The following THBS3 variants were observed in gnomAD, a reference collection of about 807,000 sequenced individuals.
THBS3 encodes thrombospondin 3.
THBS3 carries 78 observed loss-of-function variants against 118.3 expected under a neutral mutation model. That is an observed-to-expected ratio of 0.66 (90% CI 0.55 to 0.80). The LOEUF is 0.80. Ranked by LOEUF, THBS3 falls within the 30% of genes least tolerant of loss-of-function variation. THBS3 has a pLI of 0.00. For synonymous variants in THBS3, 427 were observed against 475.3 expected, an observed-to-expected ratio of 0.90 and a Z score of 1.32; for missense variants, 1,057 against 1,247.4, an observed-to-expected ratio of 0.85 and a Z score of 2.30.
At chr1:155,205,004 T>TC (rs772757272) in intron 3 of THBS3, 47 bp from the exon 4 acceptor site, 1 of 1,613,142 alleles carries the variant, frequency 6.2e-7, no homozygotes, top group African/African-American at 1.3e-5. Flanking sequence ...ACCAACCCCT[T>TC]CCCCAGCTGG....
At chr1:155,207,754 G>C in intron 1 of THBS3, 44 bp downstream of exon 1, 2 of 1,600,078 alleles carry the variant, frequency 1.2e-6, no homozygotes, top group Non-Finnish European at 1.7e-6. Flanking sequence ...AGGGCAAATG[G>C]GGAAGAAGCA....
At position 155,205,205 on chromosome 1, in the gene THBS3, G is replaced by A; in HGVS notation, c.398C>T (p.Ser133Phe). 1.2e-6 allele frequency: 2 copies of A among 1,614,200 alleles called. No homozygotes were observed. Among genetic ancestry groups the A allele is most frequent in the Non-Finnish European group, 1.7e-6 (2 of 1,180,036 alleles). The change falls in exon 3 of 23, where the codon TCC (serine) becomes TTC (phenylalanine). Residue 133 changes from serine to phenylalanine, a missense_variant. By Grantham distance (155) the Ser-to-Phe change is radical. Around this residue, in one of 3 missense-constraint regions of THBS3, gnomAD observed 206 missense variants for 205.7 expected, o/e 1.00. Coordinates refer to ENST00000368378, the MANE Select transcript of THBS3 (RefSeq NM_007112.5). The part of the protein sequence containing the change: ...HTVLLRLRGP[S>F]RPSPALHLYV... ...GAGATGTAGGGCAGGGCTGGGTCTG[G>A]AGGGACCTCGGAGTCGCAGGAGAAC...
At chr1:155,207,964 G>A, upstream of THBS3, 1 of 977,318 alleles carries the variant, frequency 1.0e-6, no homozygotes, top group Non-Finnish European at 1.4e-6. Context: ...GGGGGCGGAG[G>A]GACAGAATTG....
Position 155,202,554 on chromosome 1 carries a change from G to A in THBS3, c.958-153C>T, listed in dbSNP as rs988695012. On this transcript the variant is annotated intron_variant, in intron 8 of 22. Transcript: ENST00000368378. The surrounding 1 kb of genome is among the most constrained non-coding windows in gnomAD (Gnocchi z 5.5). ...TCCTGGTCCCCACCCCACTTCCCTC[G>A]GGGTTCCCTCTCTCCCTCCCCATGC... 39 of 1,218,456 alleles carry A rather than the reference G, an allele frequency of 3.2e-5. No individual in the cohort carries two copies. The East Asian group carries it at 4.6e-4, about 14-fold the overall frequency. 75.5% of individuals were successfully genotyped at this position (1,218,456 alleles called of 1,614,324 possible). A position where few individuals can be genotyped will look rare whatever the true frequency, so the allele number is the denominator to read the frequency against.
chr1:155,198,918 G>A (rs967467367), intron 16 of THBS3, among the ~76,000 whole-genome samples: 4 of 152,144 alleles, frequency 2.6e-5, no homozygotes, highest in African/African-American at 7.2e-5. Context: ...TCAGGAGTTC[G>A]AGACCAGCCT....
At chr1:155,204,017 T>C (rs1055143214) in intron 4 of THBS3, among the ~76,000 whole-genome samples, 1 of 152,024 alleles carries the variant, frequency 6.6e-6, no homozygotes, top group African/African-American at 2.4e-5. Flanking sequence ...TTTTGTATTT[T>C]TTAGTAGAGA....
intron 4 of THBS3, 42 bp downstream of exon 4, chr1:155,204,813 A>G (rs1275400507): frequency 6.3e-7 from 1 of 1,575,562 alleles, no homozygotes. Flanking sequence ...CAAAGGCCAC[A>G]GGATCCGTGG....
At position 155,202,660 on chromosome 1, in the gene THBS3, C is replaced by CTG; in HGVS notation, c.957+150_957+151dup. 8.2e-7 allele frequency: 1 copy of CTG among 1,217,312 alleles called. No individual in the cohort carries two copies. Among genetic ancestry groups the CTG allele is most frequent in the South Asian group, 1.5e-5 (1 of 65,848 alleles). The allele number at this position is 1,217,312 out of a possible 1,614,324, so 75.4% of individuals were successfully genotyped here. On this transcript the variant is annotated intron_variant, in intron 8 of 22. Transcript: ENST00000368378. This position sits in a 1 kb window ranked among gnomAD's most constrained non-coding sequence, Gnocchi z 5.5. ...GCCTTCAGTCTTTGCCCCAGGCCTT[C>CTG]TGTCTCTCCCATCTTGCATTTCTCT...
Position 155,197,936 on chromosome 1 carries a change from T to C in THBS3, c.2254-8A>G. On this transcript the variant is annotated splice_polypyrimidine_tract_variant and splice_region_variant and intron_variant, in intron 18 of 22. Coordinates refer to ENST00000368378, the MANE Select transcript of THBS3 (RefSeq NM_007112.5). This position sits in a 1 kb window ranked among gnomAD's most constrained non-coding sequence, Gnocchi z 5.0. ...CTGAACGATTTCCATGCCCTGGGGT[T>C]GTATAGTAAAGAAAAAGCTGTGATG... 6.2e-7 allele frequency: 1 copy of C among 1,614,076 alleles called. No homozygotes were observed. Among genetic ancestry groups the C allele is most frequent in the Non-Finnish European group, 8.5e-7 (1 of 1,180,018 alleles).
rs759670617 is a variant in THBS3 at position 155,206,379 on chromosome 1, G to A, written c.107C>T (p.Ser36Phe). 9.4e-5 allele frequency: 152 copies of A among 1,614,008 alleles called. No homozygotes were observed. The highest frequency in any genetic ancestry group is 1.3e-4 in the Non-Finnish European group (151 of 1,180,028). The stretch of plus-strand genomic sequence containing the variant: ...CTCTGCCACAGCTACCATCTGCCGA[G>A]ACTCGCCCACAGTCAGCAGGTCAAT... ...QVIDLLTVGE[S>F]RQMVAVAEKI... Residue 36 changes from serine (S) to phenylalanine (F), a missense_variant, in exon 2 of 23, where the codon TCT becomes TTT. This residue lies in a region of THBS3 where 206 missense variants were observed against 205.7 expected (regional missense o/e 1.00). Transcript: ENST00000368378. This position sits in a 1 kb window ranked among gnomAD's most constrained non-coding sequence, Gnocchi z 4.2.
At position 155,200,046 on chromosome 1, in the gene THBS3, G is replaced by A. The variant is rs146879343; in HGVS notation, c.1776C>T (p.Asp592=). The A allele has an allele frequency of 2.7e-4, 440 of 1,603,602 alleles. 1 individual carries two copies. The highest frequency in any genetic ancestry group is 8.3e-4 in the Middle Eastern group (5 of 6,004). Reference sequence around the variant, plus strand: ...AGCTGTCGCAAGCATCTCCCACCCCGTCCTCATCCCTGTCTGTCTGTAGTG... The same window carrying A: ...AGCTGTCGCAAGCATCTCCCACCCCATCCTCATCCCTGTCTGTCTGTAGTG... ...PNPLQTDRDE[D]GVGDACDSCP... is the part of the protein sequence containing the mutation. Residue 592 remains aspartate, a synonymous_variant, in exon 15 of 23, where the codon GAC becomes GAT. Transcript: ENST00000368378.
rs916948606 is a variant in THBS3, at chr1:155,195,591, G to C, written c.*250C>G. ...TAAAATAAGCAGTTGCACTGGCTTAGAAAACAACCAAAACTTTATGGCAAT... is the reference window on the plus strand; with the variant it reads ...TAAAATAAGCAGTTGCACTGGCTTACAAAACAACCAAAACTTTATGGCAAT... On this transcript the variant is annotated 3_prime_UTR_variant, in exon 23 of 23. Transcript: ENST00000368378. The C allele has an allele frequency of 6.6e-6, 3 of 454,986 alleles. No homozygotes were observed. The highest frequency in any genetic ancestry group is 5.9e-5 in the African/African-American group (3 of 50,944). 28.2% of individuals were successfully genotyped at this position (454,986 alleles called of 1,614,324 possible). A position where few individuals can be genotyped will look rare whatever the true frequency, so the allele number is the denominator to read the frequency against.
chr1:155,206,089 C>G lies in THBS3; in HGVS notation c.286+111G>C. The G allele has an allele frequency of 7.6e-7, 1 of 1,311,356 alleles. No homozygotes were observed. The highest frequency in any genetic ancestry group is 1.1e-6 in the Non-Finnish European group (1 of 939,418). 81.2% of individuals were successfully genotyped at this position (1,311,356 alleles called of 1,614,324 possible). On this transcript the variant is annotated intron_variant, in intron 2 of 22. Transcript: ENST00000368378. This position sits in a 1 kb window ranked among gnomAD's most constrained non-coding sequence, Gnocchi z 4.2. ...GATGTCTGGGCACAGCCTGATGGGA[C>G]CTTGGTCCCTAGTGGAGGCCAAGGA... is the stretch of plus-strand genomic sequence containing the variant.
chr1:155,205,540 G>A (rs767394210), intron 2 of THBS3: 4 of 567,366 alleles, frequency 7.1e-6, no homozygotes, highest in African/African-American at 1.9e-5. Context: ...CACTTTAGAA[G>A]GCCAAGGTGG....
Position 155,202,474 on chromosome 1 carries a change from A to G in THBS3, c.958-73T>C. On this transcript the variant is annotated intron_variant, in intron 8 of 22. Transcript: ENST00000368378. This position sits in a 1 kb window ranked among gnomAD's most constrained non-coding sequence, Gnocchi z 5.5. ...TCAGGTCCCTGCCTGTGATCCAGGA[A>G]CCATTGCTCCAGGTCTCCCCTTTGT... 6.4e-7 allele frequency: 1 copy of G among 1,573,388 alleles called. No homozygotes were observed. Among genetic ancestry groups the G allele is most frequent in the Non-Finnish European group, 8.6e-7 (1 of 1,159,822 alleles).
rs746921867 is a variant in THBS3, at chr1:155,201,167, CCA to C, written c.1365_1366del (p.Cys455TrpfsTer3). On this transcript the variant is annotated frameshift_variant, in exon 12 of 23. Transcript: ENST00000368378. LOFTEE classifies it high-confidence loss of function. Reference sequence around the variant, plus strand: ...GTAGCCATCGATGTCTGTGTCAGTCCCACACACGTTCCCATTCCCAGCCCAGC... The same window carrying C: ...GTAGCCATCGATGTCTGTGTCAGTCCCACACGTTCCCATTCCCAGCCCAGC... 6.2e-7 allele frequency: 1 copy of C among 1,614,130 alleles called. No individual in the cohort carries two copies. Among genetic ancestry groups the C allele is most frequent in the Non-Finnish European group, 8.5e-7 (1 of 1,180,034 alleles).
In THBS3 at chr1:155,202,819, A is replaced by C. The variant is rs1227946571; in HGVS notation, c.950T>G (p.Ile317Ser). The change falls in exon 8 of 23, where the codon ATC becomes AGC. Residue 317 changes from isoleucine to serine, a missense_variant. Physicochemically the swap from Ile to Ser is moderately radical, Grantham distance 142 (BLOSUM62 -2). Coordinates refer to ENST00000368378, the MANE Select transcript of THBS3 (RefSeq NM_007112.5). This position sits in a 1 kb window ranked among gnomAD's most constrained non-coding sequence, Gnocchi z 5.5. The part of the protein sequence containing the change: ...LQGNGTHCSD[I>S]NECAHADPCF... ...GGCTCTGACCTCCCTCACCTCATTG[A>C]TGTCACTGCAGTGGGTGCCGTTGCC... 6.2e-7 allele frequency: 1 copy of C among 1,611,604 alleles called. No individual in the cohort carries two copies. The highest frequency in any genetic ancestry group is 1.1e-5 in the South Asian group (1 of 90,904).
chr1:155,206,225 G>A lies in THBS3; in HGVS notation c.261C>T (p.Ala87=), dbSNP rs778311201. The part of the protein sequence containing the change: ...SRQDNTRWLE[A]SVVGKINKVL... Reference sequence around the variant, plus strand: ...CTTTGTTGATCTTGCCTACAACAGAGGCCTCCAGCCATCGAGTGTTGTCTT... The same window carrying A: ...CTTTGTTGATCTTGCCTACAACAGAAGCCTCCAGCCATCGAGTGTTGTCTT... The change falls in exon 2 of 23, where the codon GCC becomes GCT. Residue 87 remains alanine, a synonymous_variant. Transcript: ENST00000368378. The surrounding 1 kb of genome is among the most constrained non-coding windows in gnomAD (Gnocchi z 4.2). The A allele has an allele frequency of 5.6e-6, 9 of 1,614,010 alleles. No homozygotes were observed. Among genetic ancestry groups the A allele is most frequent in the South Asian group, 3.3e-5 (3 of 91,084 alleles).
At chr1:155,196,922 G>A in intron 21 of THBS3, 119 bp downstream of exon 21, 1 of 922,710 alleles carries the variant, frequency 1.1e-6, no homozygotes, top group Non-Finnish European at 1.7e-6. Context: ...TGGTGAGAAG[G>A]GTGATGGAGA....
Sources: gnomAD v4.1 joint callset for allele counts (sites outside exome capture counted in the v4.1 genomes callset) on GRCh38, gnomAD v4.1.1 for gene constraint, gnomAD v4.1.1 regional missense constraint, Gnocchi (gnomAD v3.1) non-coding constraint, MANE v1.5 for transcripts, NCBI Gene and HGNC (gene_info 2026-07-23, HGNC 2026-07-21) for gene names.